Variants in FBXL17 observed in about 807,000 individuals in gnomAD.
FBXL17 encodes F-box and leucine rich repeat protein 17.
Under a neutral mutation model 66.2 loss-of-function variants are expected in FBXL17, and 22 were observed. The observed-to-expected ratio is 0.33, with a 90% CI of 0.24 to 0.47. The LOEUF (loss-of-function observed/expected upper bound fraction) is 0.47, where lower values mean the gene tolerates loss of function less well. FBXL17 is among the 20% of genes least tolerant of loss of function. FBXL17 has a pLI of 1.00. For synonymous variants in FBXL17, 474 were observed against 400.5 expected, an observed-to-expected ratio of 1.18 and a Z score of -2.19; for missense variants, 878 against 948.2, an observed-to-expected ratio of 0.93 and a Z score of 0.97.
intron 7 of FBXL17, among the ~76,000 whole-genome samples, chr5:107,926,143 C>G (rs113497828): frequency 2.5e-3 from 382 of 152,224 alleles, no homozygotes; most frequent in African/African-American, 8.1e-3. Flanking sequence ...AGAAAAGTAC[C>G]TAAACATATC....
intron 4 of FBXL17, among the ~76,000 whole-genome samples, chr5:108,309,177 A>C (rs775354064): frequency 2.0e-4 from 30 of 152,124 alleles, no homozygotes; most frequent in Non-Finnish European, 3.8e-4. Flanking sequence ...ATGATGGTAT[A>C]ATCTGTATTC....
intron 6 of FBXL17, among the ~76,000 whole-genome samples, chr5:108,098,836 G>A (rs972450883): frequency 1.3e-5 from 2 of 151,616 alleles, no homozygotes; most frequent in African/African-American, 4.9e-5. Context: ...TTTTCATATG[G>A]CAGAAGTAAA....
chr5:107,907,203 T>C (rs1350841628), intron 7 of FBXL17, among the ~76,000 whole-genome samples: 2 of 152,210 alleles, frequency 1.3e-5, no homozygotes, highest in African/African-American at 2.4e-5. Flanking sequence ...ACCTCTGAAG[T>C]GTGACTACAG....
In FBXL17 at chr5:108,123,511, C is replaced by G. The variant is rs1470676785; in HGVS notation, c.1745+62606G>C. 3.9e-5 allele frequency among the ~76,000 whole-genome samples: 6 copies of G among 152,006 alleles called. No individual in the cohort carries two copies. In the South Asian group the frequency reaches 8.3e-4, roughly 21 times the overall value. On this transcript the variant is annotated intron_variant, in intron 6 of 8. Coordinates refer to ENST00000542267, the MANE Select transcript of FBXL17 (RefSeq NM_001163315.3). Reference sequence around the variant, plus strand: ...TTCCATTTGAAAGCTTTAATATAAACAAATTATTTTCTAGTGTTTTCATGT... The same window carrying G: ...TTCCATTTGAAAGCTTTAATATAAAGAAATTATTTTCTAGTGTTTTCATGT...
intron 7 of FBXL17, among the ~76,000 whole-genome samples, chr5:107,926,247 G>C (rs1009062990): frequency 5.3e-5 from 8 of 152,272 alleles, no homozygotes; most frequent in Admixed American, 4.6e-4. Context: ...TTCTGCAGCT[G>C]TAACTGGGAG....
At chr5:107,994,189 C>T (rs925606605) in intron 7 of FBXL17, among the ~76,000 whole-genome samples, 2 of 152,022 alleles carry the variant, frequency 1.3e-5, no homozygotes, top group African/African-American at 4.8e-5. Context: ...TAATTTATTT[C>T]CATTAAAGCC....
intron 6 of FBXL17, among the ~76,000 whole-genome samples, chr5:108,155,857 T>TC (rs1751976358): frequency 6.6e-6 from 1 of 152,206 alleles, no homozygotes; most frequent in East Asian, 1.9e-4. Context: ...CAGGTTATTT[T>TC]CAATTTTAAT....
intron 4 of FBXL17, among the ~76,000 whole-genome samples, chr5:108,302,733 C>A (rs892264686): frequency 2.0e-5 from 3 of 151,668 alleles, no homozygotes; most frequent in African/African-American, 4.8e-5. Flanking sequence ...TATGTATACA[C>A]TAATAGTTTT....
intron 8 of FBXL17, among the ~76,000 whole-genome samples, chr5:107,867,812 G>A (rs1748319503): frequency 6.6e-6 from 1 of 152,146 alleles, no homozygotes; most frequent in Non-Finnish European, 1.5e-5. Context: ...TGCCTCAGGA[G>A]CATGCAATAA....
chr5:107,863,483 C>A (rs1748187809), intron 8 of FBXL17, among the ~76,000 whole-genome samples: 1 of 151,230 alleles, frequency 6.6e-6, no homozygotes, highest in Non-Finnish European at 1.5e-5. Flanking sequence ...ATTTTCCCAG[C>A]AAATTTGGAT....
chr5:108,009,588 C>T (rs970272891), intron 7 of FBXL17, among the ~76,000 whole-genome samples: 8 of 151,682 alleles, frequency 5.3e-5, no homozygotes, highest in Non-Finnish European at 1.2e-4. Context: ...TATTTAATGT[C>T]ATGCAGATAA....
At chr5:108,208,035 T>G (rs745839671) in intron 5 of FBXL17, among the ~76,000 whole-genome samples, 15 of 152,224 alleles carry the variant, frequency 9.9e-5, no homozygotes, top group Non-Finnish European at 2.1e-4. Flanking sequence ...GGTATCTCAT[T>G]GTGGTTTTGA....
At chr5:108,001,365 T>A (rs1263901200) in intron 7 of FBXL17, among the ~76,000 whole-genome samples, 4 of 152,234 alleles carry the variant, frequency 2.6e-5, no homozygotes, top group Non-Finnish European at 5.9e-5. Flanking sequence ...TTAAATTGCT[T>A]CATCATTTAA....
At chr5:108,110,700 C>T (rs1580455078) in intron 6 of FBXL17, among the ~76,000 whole-genome samples, 1 of 151,692 alleles carries the variant, frequency 6.6e-6, no homozygotes. Context: ...GAATCATAAC[C>T]TGCCAATCCT....
chr5:107,891,472 C>T (rs1244697574), intron 7 of FBXL17, among the ~76,000 whole-genome samples: 1 of 151,962 alleles, frequency 6.6e-6, no homozygotes, highest in Non-Finnish European at 1.5e-5. Context: ...GCAGGAAGAC[C>T]AATAAGGAGG....
Position 107,962,521 on chromosome 5 carries a change from T to A in FBXL17, c.1822+58404A>T, listed in dbSNP as rs1751955264. Among the ~76,000 whole-genome samples, 4 of 152,272 alleles carry A rather than the reference T, an allele frequency of 2.6e-5. 1 individual carries two copies. The highest frequency in any genetic ancestry group is 3.4e-3 in the Middle Eastern group (1 of 294). ...ACTGGGATAGAAAATACCATTTACA[T>A]ACAAAACTCAAAAAACATACATGGA... On this transcript the variant is annotated intron_variant, in intron 7 of 8. Transcript: ENST00000542267.
intron 5 of FBXL17, among the ~76,000 whole-genome samples, chr5:108,204,962 G>A (rs1754054242): frequency 6.6e-6 from 1 of 151,900 alleles, no homozygotes; most frequent in Non-Finnish European, 1.5e-5. Flanking sequence ...CCAAGCTGGA[G>A]CACAGTGGTG....
chr5:108,172,133 C>T (rs1403918017), intron 6 of FBXL17, among the ~76,000 whole-genome samples: 1 of 152,168 alleles, frequency 6.6e-6, no homozygotes, highest in Non-Finnish European at 1.5e-5. Flanking sequence ...CTAAGATGGC[C>T]TTACTCACAT....
chr5:108,137,408 A>T (rs1450689080), intron 6 of FBXL17, among the ~76,000 whole-genome samples: 2 of 152,060 alleles, frequency 1.3e-5, no homozygotes, highest in African/African-American at 4.8e-5. Context: ...ACGTCATGGC[A>T]TGTTGCTCCT....
Sources: allele counts gnomAD v4.1 joint callset (sites outside exome capture counted in the v4.1 genomes callset), GRCh38; gene constraint gnomAD v4.1.1; transcripts MANE v1.5; gene names NCBI Gene and HGNC (gene_info 2026-07-23, HGNC 2026-07-21).